The following CYGB variants were observed in gnomAD, a reference collection of about 807,000 sequenced individuals.
CYGB encodes the protein histoglobin.
Under a neutral mutation model 20.7 loss-of-function variants are expected in CYGB, and 13 were observed. The ratio of observed to expected loss-of-function variants is 0.63; its 90% confidence interval spans 0.41 to 1.00. The LOEUF (loss-of-function observed/expected upper bound fraction) is 1.00. CYGB is among the 50% of genes least tolerant of loss of function. The probability of loss-of-function intolerance (pLI) is 0.00; values close to 1 mark genes in which losing one functional copy is unlikely to be tolerated. For synonymous variants in CYGB, 93 were observed against 107.4 expected, an observed-to-expected ratio of 0.87 and a Z score of 0.83; for missense variants, 218 against 257.2, an observed-to-expected ratio of 0.85 and a Z score of 1.04.
At chr17:76,539,531 C>A (rs1023080179), upstream of CYGB, among the ~76,000 whole-genome samples, 4 of 152,222 alleles carry the variant, frequency 2.6e-5, no homozygotes, top group African/African-American at 9.6e-5. Context: ...TCTCCCGTCT[C>A]TCTGGCTTCA....
rs188570805 is a variant in CYGB at position 76,535,993 on chromosome 17, C to T, written c.143+1407G>A. 2.1e-4 allele frequency among the ~76,000 whole-genome samples: 32 copies of T among 152,328 alleles called. 1 individual carries two copies. The East Asian group carries it at 2.9e-3, about 14-fold the overall frequency. ...CTGACACACGGCTGACGGCACCCTC[C>T]GAGGACGCAGTCTGGCACATCTGCG... On this transcript the variant is annotated intron_variant, in intron 1 of 3. Coordinates refer to ENST00000293230, the MANE Select transcript of CYGB (RefSeq NM_134268.5).
chr17:76,540,517 C>T (rs759376499), upstream of CYGB: 6 of 1,613,202 alleles, frequency 3.7e-6, no homozygotes, highest in African/African-American at 1.3e-5. This position sits in a 1 kb window ranked among gnomAD's most constrained non-coding sequence, Gnocchi z 5.0. Context: ...AGCCCAGCGA[C>T]GTGGATGGGG....
Position 76,530,205 on chromosome 17 carries a change from A to C in CYGB, c.539+774T>G. ...CGCCTCCGCTCCTCTCCTCCTTCCT[A>C]CTCCAGCCCTGCCTCCGCCTCTCCA... On this transcript the variant is annotated intron_variant, in intron 3 of 3. Coordinates refer to ENST00000293230, the MANE Select transcript of CYGB (RefSeq NM_134268.5). The surrounding 1 kb of genome is among the most constrained non-coding windows in gnomAD (Gnocchi z 6.1). 6.7e-6 allele frequency among the ~76,000 whole-genome samples: 1 copy of C among 149,412 alleles called. No homozygotes were observed. Among genetic ancestry groups the C allele is most frequent in the Admixed American group, 6.6e-5 (1 of 15,058 alleles).
chr17:76,540,304 C>A, upstream of CYGB: 2 of 1,407,608 alleles, frequency 1.4e-6, no homozygotes, highest in Non-Finnish European at 2.0e-6. This position sits in a 1 kb window ranked among gnomAD's most constrained non-coding sequence, Gnocchi z 5.0. Flanking sequence ...TGGGCAGGGG[C>A]TGCGTGAACC....
chr17:76,528,959 C>A lies in CYGB; in HGVS notation c.540-348G>T. On this transcript the variant is annotated intron_variant, in intron 3 of 3. Coordinates refer to ENST00000293230, the MANE Select transcript of CYGB (RefSeq NM_134268.5). This position sits in a 1 kb window ranked among gnomAD's most constrained non-coding sequence, Gnocchi z 5.8. The stretch of plus-strand genomic sequence containing the variant: ...CATTAATTCTGAAACGTGGCGCATT[C>A]TGTCCGGCCTGTCTCGTCCCTCCTC... 1 of 1,057,326 alleles carries A rather than the reference C, an allele frequency of 9.5e-7. No individual in the cohort carries two copies. The allele number at this position is 1,057,326 out of a possible 1,614,324, so 65.5% of individuals were successfully genotyped here. A position where few individuals can be genotyped will look rare whatever the true frequency, so the allele number is the denominator to read the frequency against.
rs1397705072 is a variant in CYGB at position 76,530,538 on chromosome 17, G to A, written c.539+441C>T. Among the ~76,000 whole-genome samples, 1 of 152,156 alleles carries A rather than the reference G, an allele frequency of 6.6e-6. No individual in the cohort carries two copies. Among genetic ancestry groups the A allele is most frequent in the Non-Finnish European group, 1.5e-5 (1 of 68,024 alleles). The stretch of plus-strand genomic sequence containing the variant: ...GGCTCTAGCCCTATTGAGGCAGAGG[G>A]CATTTAGCAGCACTGGTCGGCATGA... On this transcript the variant is annotated intron_variant, in intron 3 of 3. Coordinates refer to ENST00000293230, the MANE Select transcript of CYGB (RefSeq NM_134268.5). This position sits in a 1 kb window ranked among gnomAD's most constrained non-coding sequence, Gnocchi z 6.1.
At position 76,531,623 on chromosome 17, in the gene CYGB, T is replaced by A; in HGVS notation, c.212A>T (p.Glu71Val). ...SQFKHMEDPL[E>V]MERSPQLRKH... is the part of the protein sequence containing the mutation. ...CCGCAGCTGGGGGCTCCGCTCCATC[T>A]CCAGGGGATCCTCCATGTGCTTGAA... The change falls in exon 2 of 4, where the codon GAG (glutamate) becomes GTG (valine). Residue 71 changes from glutamate to valine, a missense_variant. Coordinates refer to ENST00000293230, the MANE Select transcript of CYGB (RefSeq NM_134268.5). The surrounding 1 kb of genome is among the most constrained non-coding windows in gnomAD (Gnocchi z 7.4). 2 of 1,613,068 alleles carry A rather than the reference T, an allele frequency of 1.2e-6. No homozygotes were observed. Among genetic ancestry groups the A allele is most frequent in the Non-Finnish European group, 1.7e-6 (2 of 1,179,076 alleles).
Position 76,533,629 on chromosome 17 carries a change from G to A in CYGB, c.144-1938C>T, listed in dbSNP as rs1409752004. 6.6e-6 allele frequency among the ~76,000 whole-genome samples: 1 copy of A among 152,024 alleles called. No individual in the cohort carries two copies. Among genetic ancestry groups the A allele is most frequent in the Admixed American group, 6.6e-5 (1 of 15,258 alleles). On this transcript the variant is annotated intron_variant, in intron 1 of 3. Transcript: ENST00000293230. The surrounding 1 kb of genome is among the most constrained non-coding windows in gnomAD (Gnocchi z 4.5). ...TTCCAGCTACTCAGGGGCCTAAAGT[G>A]GGAGGATCACTTGAACCCGGGAGGC...
chr17:76,543,145 G>C (rs936388492), intron 1 of CYGB: 43 of 467,618 alleles, frequency 9.2e-5, no homozygotes, highest in African/African-American at 8.6e-4. Context: ...TCTCAGCCCG[G>C]GACCTGCCAG....
chr17:76,528,925 C>G lies in CYGB; in HGVS notation c.540-314G>C, dbSNP rs369160489. 36 of 1,158,230 alleles carry G rather than the reference C, an allele frequency of 3.1e-5. No homozygotes were observed. The African/African-American group carries it at 5.1e-4, about 16-fold the overall frequency. The allele number at this position is 1,158,230 out of a possible 1,614,324, so 71.7% of individuals were successfully genotyped here. ...CTGCAAAGCACGATACCAATGTGAG[C>G]TCTTTTTCCATTAATTCTGAAACGT... On this transcript the variant is annotated intron_variant, in intron 3 of 3. Coordinates refer to ENST00000293230, the MANE Select transcript of CYGB (RefSeq NM_134268.5). This position sits in a 1 kb window ranked among gnomAD's most constrained non-coding sequence, Gnocchi z 5.8.
intron 1 of CYGB, among the ~76,000 whole-genome samples, chr17:76,548,216 C>T (rs2075074669): frequency 6.6e-6 from 1 of 151,890 alleles, no homozygotes; most frequent in Non-Finnish European, 1.5e-5. Context: ...GACATATACA[C>T]TTATAGACAC....
chr17:76,542,875 G>A (rs1394786455), intron 1 of CYGB, among the ~76,000 whole-genome samples: 1 of 152,204 alleles, frequency 6.6e-6, no homozygotes. Context: ...ACATTTTCTA[G>A]GCTTGGGGAT....
chr17:76,538,088 A>T (rs1489065418), upstream of CYGB: 1 of 152,440 alleles, frequency 6.6e-6, no homozygotes, highest in Non-Finnish European at 1.5e-5. Context: ...CGGCGTCGCG[A>T]GTGTGCGCGT....
chr17:76,529,613 C>A, intron 3 of CYGB: 2 of 985,336 alleles, frequency 2.0e-6, no homozygotes, highest in Non-Finnish European at 2.4e-6. Context: ...TAAACAAACT[C>A]ATCTTTGGCA....
At chr17:76,534,340 G>A (rs567341609) in intron 1 of CYGB, among the ~76,000 whole-genome samples, 17 of 152,140 alleles carry the variant, frequency 1.1e-4, no homozygotes, top group South Asian at 2.1e-4. Context: ...CACCACACCC[G>A]GCTAATTTTT....
chr17:76,531,410 G>A lies in CYGB; in HGVS notation c.375+50C>T. ...GTCGCAGAGCCTGCGAGCTGCAGAT[G>A]GCCATGACGCGTGGGCGGTGGGGGC... On this transcript the variant is annotated intron_variant, in intron 2 of 3. Coordinates refer to ENST00000293230, the MANE Select transcript of CYGB (RefSeq NM_134268.5). The surrounding 1 kb of genome is among the most constrained non-coding windows in gnomAD (Gnocchi z 7.4). 1 of 1,570,786 alleles carries A rather than the reference G, an allele frequency of 6.4e-7. No homozygotes were observed. The highest frequency in any genetic ancestry group is 8.7e-7 in the Non-Finnish European group (1 of 1,147,626).
rs2075055701 is a variant in CYGB, at chr17:76,546,517, G to A, written c.-53+4345C>T. 1 of 152,170 alleles carries A rather than the reference G, an allele frequency of 6.6e-6. No individual in the cohort carries two copies. Among genetic ancestry groups the A allele is most frequent in the Admixed American group, 6.6e-5 (1 of 15,250 alleles). The allele number at this position is 152,170 out of a possible 1,614,324, so 9.4% of individuals were successfully genotyped here. On this transcript the variant is annotated intron_variant, in intron 1 of 3. Transcript: ENST00000589145. The surrounding 1 kb of genome is among the most constrained non-coding windows in gnomAD (Gnocchi z 4.5). ...GCAAACAGTACAGGTGGTGGGCCAA[G>A]ACTAGATGGGTAGGGCACAGTGCCC...
chr17:76,533,253 C>T lies in CYGB; in HGVS notation c.144-1562G>A, dbSNP rs554006561. ...CACAAGCTCCCTGTTTGCAGAAGGGCAAGAGGAGGGCCCCCGCTCACTGCT... is the reference window on the plus strand; with the variant it reads ...CACAAGCTCCCTGTTTGCAGAAGGGTAAGAGGAGGGCCCCCGCTCACTGCT... On this transcript the variant is annotated intron_variant, in intron 1 of 3. Transcript: ENST00000293230. The surrounding 1 kb of genome is among the most constrained non-coding windows in gnomAD (Gnocchi z 4.5). 2.0e-5 allele frequency among the ~76,000 whole-genome samples: 3 copies of T among 152,254 alleles called. No individual in the cohort carries two copies. The East Asian group carries it at 5.8e-4, about 29-fold the overall frequency.
At position 76,528,709 on chromosome 17, in the gene CYGB, C is replaced by T; in HGVS notation, c.540-98G>A. On this transcript the variant is annotated intron_variant, in intron 3 of 3. Coordinates refer to ENST00000293230, the MANE Select transcript of CYGB (RefSeq NM_134268.5). The surrounding 1 kb of genome is among the most constrained non-coding windows in gnomAD (Gnocchi z 5.8). ...GACCTGGGGCTGGCGAGGCTCACTT[C>T]CTGCCAAGAGATCCGGCACAGTGCA... The T allele has an allele frequency of 8.7e-7, 1 of 1,154,070 alleles. No individual in the cohort carries two copies. The highest frequency in any genetic ancestry group is 1.1e-6 in the Non-Finnish European group (1 of 902,932). The allele number at this position is 1,154,070 out of a possible 1,614,324, so 71.5% of individuals were successfully genotyped here. A position where few individuals can be genotyped will look rare whatever the true frequency, so the allele number is the denominator to read the frequency against.
Sources: allele counts gnomAD v4.1 joint callset (sites outside exome capture counted in the v4.1 genomes callset), GRCh38; gene constraint gnomAD v4.1.1; non-coding constraint Gnocchi (gnomAD v3.1); transcripts MANE v1.5; gene names NCBI Gene and HGNC (gene_info 2026-07-23, HGNC 2026-07-21).